STX18: variants seen among roughly 807,000 people sequenced by gnomAD.
The protein encoded by STX18 is syntaxin 18, also known as syntaxin-18.
In STX18, 40 loss-of-function variants were observed where a neutral mutation model predicts 50.1. The ratio of observed to expected loss-of-function variants is 0.80; its 90% CI spans 0.62 to 1.04. The LOEUF (loss-of-function observed/expected upper bound fraction) is 1.04. Ranked by LOEUF, STX18 falls within the 50% of genes least tolerant of loss-of-function variation. The pLI, the probability that STX18 is intolerant of heterozygous loss-of-function variation, is 0.00. For synonymous variants in STX18, 158 were observed against 151.8 expected, an observed-to-expected ratio of 1.04 and a Z score of -0.30; for missense variants, 410 against 415.8, an observed-to-expected ratio of 0.99 and a Z score of 0.12.
chr4:4,524,683 G>T (rs1203655638), intron 1 of STX18, among the ~76,000 whole-genome samples: 1 of 152,364 alleles, frequency 6.6e-6, no homozygotes, highest in Non-Finnish European at 1.5e-5. Context: ...CAGGCCTGTG[G>T]TGACACTGTT....
chr4:4,433,061 AGGTTGG>A (rs1725595418), intron 7 of STX18, among the ~76,000 whole-genome samples: 1 of 152,320 alleles, frequency 6.6e-6, no homozygotes, highest in South Asian at 2.1e-4. Flanking sequence ...AAAAAAGCAC[AGGTTGG>A]AGCCAAAGGT....
chr4:4,537,498 G>GT (rs1194613236), intron 1 of STX18, among the ~76,000 whole-genome samples: 1 of 152,108 alleles, frequency 6.6e-6, no homozygotes, highest in Admixed American at 6.5e-5. Flanking sequence ...AATGACTACT[G>GT]TAAGAGAGAG....
At chr4:4,497,302 T>G (rs903136124) in intron 1 of STX18, among the ~76,000 whole-genome samples, 1 of 152,244 alleles carries the variant, frequency 6.6e-6, no homozygotes, top group Non-Finnish European at 1.5e-5. Context: ...CACAGACTTC[T>G]GTTTTCTAAA....
Position 4,420,272 on chromosome 4 carries a change from A to C in STX18, c.913-143T>G, listed in dbSNP as rs1380152696. Reference sequence around the variant, plus strand: ...TTCCATCTGTGCTTACCTTGAATAGATGGCTTTTGAGATCCACCAGAAGAC... The same window carrying C: ...TTCCATCTGTGCTTACCTTGAATAGCTGGCTTTTGAGATCCACCAGAAGAC... On this transcript the variant is annotated intron_variant, in intron 10 of 10. Coordinates refer to ENST00000306200, the MANE Select transcript of STX18 (RefSeq NM_016930.4). The surrounding 1 kb of genome is among the most constrained non-coding windows in gnomAD (Gnocchi z 4.3). The C allele has an allele frequency of 1.6e-6, 1 of 635,658 alleles. No individual in the cohort carries two copies. The highest frequency in any genetic ancestry group is 1.8e-5 in the African/African-American group (1 of 54,682). 39.4% of individuals were successfully genotyped at this position (635,658 alleles called of 1,614,324 possible).
rs759401429 is a variant in STX18, at chr4:4,459,505, A to C, written c.237-18T>G. ...TGGTATGGCTAAAAAAAGACAGCAA[A>C]GGAAAGGGCAGCAGCAAATGAGAAC... On this transcript the variant is annotated intron_variant, in intron 2 of 10. Coordinates refer to ENST00000306200, the MANE Select transcript of STX18 (RefSeq NM_016930.4). 4.5e-6 allele frequency: 7 copies of C among 1,558,642 alleles called. No individual in the cohort carries two copies. The highest frequency in any genetic ancestry group is 1.7e-4 in the Middle Eastern group (1 of 5,984).
chr4:4,436,950 CTT>C (rs34174730), intron 6 of STX18, among the ~76,000 whole-genome samples: 27 of 116,770 alleles, frequency 2.3e-4, no homozygotes, highest in African/African-American at 6.2e-4. Context: ...TCCAGACTCA[CTT>C]TTTTTTTTTT....
Position 4,438,450 on chromosome 4 carries a change from A to G in STX18, c.557T>C (p.Val186Ala). Residue 186 changes from valine (V) to alanine (A), a missense_variant, in exon 6 of 11, where the codon GTT (valine) becomes GCT (alanine). Physicochemically the swap from Val to Ala is moderately conservative, Grantham distance 64 (BLOSUM62 0). Transcript: ENST00000306200. ...KTRESTSSEKVSQSPSKDSEE... is the reference protein window; with the variant it reads ...KTRESTSSEKASQSPSKDSEE... Reference sequence around the variant, plus strand: ...AGAGTCTTTTGAAGGACTCTGTGAAACTTTCTCAGAAGATGTGGATTCTCT... The same window carrying G: ...AGAGTCTTTTGAAGGACTCTGTGAAGCTTTCTCAGAAGATGTGGATTCTCT... 6.2e-7 allele frequency: 1 copy of G among 1,613,822 alleles called. No homozygotes were observed. Among genetic ancestry groups the G allele is most frequent in the Non-Finnish European group, 8.5e-7 (1 of 1,179,808 alleles).
chr4:4,514,777 G>A (rs547212806), intron 1 of STX18, among the ~76,000 whole-genome samples: 18 of 151,116 alleles, frequency 1.2e-4, no homozygotes, highest in Non-Finnish European at 2.5e-4. Flanking sequence ...CTGGTCTGTG[G>A]GAAAAAAAAA....
intron 1 of STX18, among the ~76,000 whole-genome samples, chr4:4,479,176 A>G (rs1017463441): frequency 1.3e-5 from 2 of 152,200 alleles, no homozygotes; most frequent in African/African-American, 4.8e-5. Flanking sequence ...CACCAATCTA[A>G]ATGCTATGCA....
chr4:4,426,060 TC>T (rs1725229641), intron 7 of STX18: 1 of 152,126 alleles, frequency 6.6e-6, no homozygotes, highest in Admixed American at 6.5e-5. Context: ...CCCCGATGCA[TC>T]CCGCAGGCCC....
At chr4:4,451,851 G>A (rs1289483779) in intron 5 of STX18, among the ~76,000 whole-genome samples, 1 of 152,182 alleles carries the variant, frequency 6.6e-6, no homozygotes, top group Non-Finnish European at 1.5e-5. Context: ...AGTGAAAGAA[G>A]AGTTGCGTAT....
At chr4:4,480,292 T>G (rs992595852) in intron 1 of STX18, among the ~76,000 whole-genome samples, 5 of 152,190 alleles carry the variant, frequency 3.3e-5, no homozygotes, top group Admixed American at 1.3e-4. Flanking sequence ...TGACTAAAAC[T>G]GTACATTACC....
At chr4:4,454,608 G>A (rs1053356982) in intron 5 of STX18, among the ~76,000 whole-genome samples, 5 of 152,116 alleles carry the variant, frequency 3.3e-5, no homozygotes, top group African/African-American at 9.7e-5. Flanking sequence ...TGGTCTCATC[G>A]TGTCCCAGAT....
chr4:4,524,558 A>C (rs1478905695), intron 1 of STX18, among the ~76,000 whole-genome samples: 2 of 152,174 alleles, frequency 1.3e-5, no homozygotes, highest in Non-Finnish European at 2.9e-5. Flanking sequence ...CATTATGAGA[A>C]AGTGAGGCCT....
intron 9 of STX18, among the ~76,000 whole-genome samples, chr4:4,421,353 C>A (rs568528625): frequency 1.3e-5 from 2 of 151,526 alleles, no homozygotes; most frequent in African/African-American, 4.9e-5. Context: ...AGGGCTTAAA[C>A]GATCCTCCCA....
At chr4:4,485,030 T>C (rs1383083117) in intron 1 of STX18, among the ~76,000 whole-genome samples, 1 of 152,240 alleles carries the variant, frequency 6.6e-6, no homozygotes, top group African/African-American at 2.4e-5. Context: ...CTGGAGGCTG[T>C]GTGTGGAGAG....
chr4:4,507,679 A>G, intron 1 of STX18: 1 of 833,986 alleles, frequency 1.2e-6, no homozygotes, highest in Non-Finnish European at 2.1e-6. Context: ...GTTTGGACAA[A>G]GCCCAGCAGA....
At chr4:4,434,296 C>T (rs951394445) in intron 7 of STX18, among the ~76,000 whole-genome samples, 5 of 152,162 alleles carry the variant, frequency 3.3e-5, no homozygotes, top group African/African-American at 1.2e-4. Flanking sequence ...CCTTTTGAAA[C>T]CCACCCATAG....
At chr4:4,466,881 T>C (rs1727644475) in intron 2 of STX18, among the ~76,000 whole-genome samples, 2 of 152,158 alleles carry the variant, frequency 1.3e-5, no homozygotes, top group Non-Finnish European at 2.9e-5. Context: ...CCTGAAGATT[T>C]GGAGGCTCGA....
Sources: allele counts gnomAD v4.1 joint callset (sites outside exome capture counted in the v4.1 genomes callset), GRCh38; gene constraint gnomAD v4.1.1; non-coding constraint Gnocchi (gnomAD v3.1); transcripts MANE v1.5; gene names NCBI Gene and HGNC (gene_info 2026-07-23, HGNC 2026-07-21).